The following PTPRK variants were observed in gnomAD, a reference collection of about 807,000 sequenced individuals.
The protein encoded by PTPRK is receptor-type tyrosine-protein phosphatase kappa.
PTPRK carries 75 observed loss-of-function variants against 178.0 expected under a neutral mutation model. The ratio of observed to expected loss-of-function variants is 0.42; its 90% CI spans 0.35 to 0.51. The LOEUF (loss-of-function observed/expected upper bound fraction) is 0.51. PTPRK is among the 20% of genes least tolerant of loss of function. PTPRK has a pLI of 0.02. For synonymous variants in PTPRK, 637 were observed against 620.6 expected (o/e 1.03, Z -0.39); for missense variants, 1,441 against 1,797.8 (o/e 0.80, Z 3.59).
intron 13 of PTPRK, among the ~76,000 whole-genome samples, chr6:128,024,570 A>G (rs1160513814): frequency 6.6e-6 from 1 of 152,160 alleles, no homozygotes; most frequent in Non-Finnish European, 1.5e-5. Context: ...GCACTTTGAG[A>G]GGCTGAGGCA....
intron 1 of PTPRK, among the ~76,000 whole-genome samples, chr6:128,505,111 T>TC (rs1279903834): frequency 6.6e-6 from 1 of 150,500 alleles, no homozygotes; most frequent in Non-Finnish European, 1.5e-5. Context: ...TTACTTGTTT[T>TC]TTTTTTTTTT....
chr6:128,326,786 A>C (rs889354072), intron 2 of PTPRK, among the ~76,000 whole-genome samples: 5 of 152,114 alleles, frequency 3.3e-5, no homozygotes, highest in Non-Finnish European at 5.9e-5. Context: ...GTTTTTGCAT[A>C]TGTACAGTTT....
intron 5 of PTPRK, 41 bp from the exon 6 acceptor site, chr6:128,219,137 T>G: frequency 6.5e-7 from 1 of 1,527,952 alleles, no homozygotes; most frequent in Non-Finnish European, 9.0e-7. Flanking sequence ...GTTCTTACTA[T>G]TTTCATAAAT....
intron 5 of PTPRK, chr6:128,235,488 T>A (rs1813081239): frequency 2.6e-6 from 1 of 384,998 alleles, no homozygotes; most frequent in Non-Finnish European, 5.5e-6. Context: ...TAGCTTCAAG[T>A]TATGAATCAC....
At chr6:128,366,600 TA>T (rs2128345526) in intron 2 of PTPRK, among the ~76,000 whole-genome samples, 1 of 152,258 alleles carries the variant, frequency 6.6e-6, no homozygotes, top group African/African-American at 2.4e-5. Context: ...AATAAACTCT[TA>T]AGTTTAAGGT....
At position 128,473,404 on chromosome 6, in the gene PTPRK, A is replaced by ATT. The variant is rs67418131; in HGVS notation, c.100+46853_100+46854dup. Among the ~76,000 whole-genome samples the ATT allele has an allele frequency of 6.3e-3, 568 of 90,850 alleles. 10 individuals are homozygous for ATT. The highest frequency in any genetic ancestry group is 0.014 in the African/African-American group (323 of 22,654). 59.6% of individuals were successfully genotyped at this position (90,850 alleles called of 152,430 possible). A position where few individuals can be genotyped will look rare whatever the true frequency, so the allele number is the denominator to read the frequency against. On this transcript the variant is annotated intron_variant, in intron 1 of 29. Coordinates refer to ENST00000368226, the MANE Select transcript of PTPRK (RefSeq NM_002844.4). ...TCAGTTTTTCCACTATATGGTTACTATTTTTTTTTTTTTTTTTTTTTTTTG... is the reference window on the plus strand; with the variant it reads ...TCAGTTTTTCCACTATATGGTTACTATTTTTTTTTTTTTTTTTTTTTTTTTTG...
intron 2 of PTPRK, among the ~76,000 whole-genome samples, chr6:128,392,951 C>G (rs1033425050): frequency 1.3e-5 from 2 of 151,830 alleles, no homozygotes; most frequent in African/African-American, 4.8e-5. Context: ...AATTTTCTAA[C>G]AAGAGGAAAA....
intron 1 of PTPRK, among the ~76,000 whole-genome samples, chr6:128,518,774 T>C (rs376660653): frequency 6.6e-6 from 1 of 152,346 alleles, no homozygotes; most frequent in Non-Finnish European, 1.5e-5. Flanking sequence ...ACATCAATTA[T>C]ATACAGGGCT....
chr6:128,493,636 AC>A (rs1854228230), intron 1 of PTPRK, among the ~76,000 whole-genome samples: 2 of 143,758 alleles, frequency 1.4e-5, no homozygotes, highest in African/African-American at 2.5e-5. Flanking sequence ...ACACACACAC[AC>A]ACACACACAG....
At chr6:128,459,166 T>C (rs1486421677) in intron 1 of PTPRK, among the ~76,000 whole-genome samples, 1 of 152,174 alleles carries the variant, frequency 6.6e-6, no homozygotes, top group Non-Finnish European at 1.5e-5. Flanking sequence ...ATTATCCCTA[T>C]GTTCCTTCAA....
At chr6:128,133,580 T>C (rs1470882736) in intron 7 of PTPRK, among the ~76,000 whole-genome samples, 1 of 152,220 alleles carries the variant, frequency 6.6e-6, no homozygotes, top group Non-Finnish European at 1.5e-5. Flanking sequence ...ATCAGGCTTA[T>C]ATTTTGATAA....
chr6:128,040,801 G>C lies in PTPRK; in HGVS notation c.2194+23957C>G, dbSNP rs183931258. Among the ~76,000 whole-genome samples the C allele has an allele frequency of 2.6e-5, 4 of 152,136 alleles. No individual in the cohort carries two copies. The East Asian group carries it at 7.7e-4, about 29-fold the overall frequency. On this transcript the variant is annotated intron_variant, in intron 13 of 29. Coordinates refer to ENST00000368226, the MANE Select transcript of PTPRK (RefSeq NM_002844.4). ...TTTGTTAAACAATGAAGAATATAGA[G>C]TGTCTACATAAACCAAGCAGAAATG... is the stretch of plus-strand genomic sequence containing the variant.
At chr6:128,289,877 T>C (rs1235049506) in intron 3 of PTPRK, among the ~76,000 whole-genome samples, 1 of 152,136 alleles carries the variant, frequency 6.6e-6, no homozygotes, top group Non-Finnish European at 1.5e-5. Context: ...ACACTTTGTT[T>C]TTCATGCCTT....
At chr6:128,012,424 C>T (rs1217678326) in intron 13 of PTPRK, among the ~76,000 whole-genome samples, 1 of 151,158 alleles carries the variant, frequency 6.6e-6, no homozygotes, top group Non-Finnish European at 1.5e-5. Flanking sequence ...AGTGGTGGTG[C>T]CCCTGAGTTC....
intron 7 of PTPRK, among the ~76,000 whole-genome samples, chr6:128,110,377 A>C (rs1790448433): frequency 6.6e-6 from 1 of 152,184 alleles, no homozygotes; most frequent in Non-Finnish European, 1.5e-5. Flanking sequence ...CAATGTGGAA[A>C]AGTTATCAAT....
At position 128,242,552 on chromosome 6, in the gene PTPRK, A is replaced by G; in HGVS notation, c.546T>C (p.Ile182=). 3 of 1,613,156 alleles carry G rather than the reference A, an allele frequency of 1.9e-6. No homozygotes were observed. The change falls in exon 4 of 30, where the codon ATT becomes ATC. Residue 182 remains isoleucine (I), a synonymous_variant. Transcript: ENST00000368226. ...VSGGRSGYIA[I]DDIQVLSYPC... is the part of the protein sequence containing the mutation. ...GATAACTCAGTACTTGGATGTCATCAATGGCAATATAACCACTTCTCCCTC... is the reference window on the plus strand; with the variant it reads ...GATAACTCAGTACTTGGATGTCATCGATGGCAATATAACCACTTCTCCCTC...
chr6:128,339,988 T>C (rs1037739295), intron 2 of PTPRK, among the ~76,000 whole-genome samples: 3 of 152,118 alleles, frequency 2.0e-5, no homozygotes, highest in Admixed American at 6.5e-5. Context: ...AGGTCAGAAT[T>C]GCTACCATCA....
chr6:128,349,578 T>C (rs926763311), intron 2 of PTPRK, among the ~76,000 whole-genome samples: 1 of 151,866 alleles, frequency 6.6e-6, no homozygotes, highest in South Asian at 2.1e-4. Context: ...CAAGCCAGCA[T>C]ATCCTCAGAA....
intron 6 of PTPRK, among the ~76,000 whole-genome samples, chr6:128,203,611 G>C (rs1806365821): frequency 6.6e-6 from 1 of 152,134 alleles, no homozygotes; most frequent in Non-Finnish European, 1.5e-5. Context: ...AAAATTGCTA[G>C]CAGTCCTATA....
Sources: allele counts gnomAD v4.1 joint callset (sites outside exome capture counted in the v4.1 genomes callset), GRCh38; gene constraint gnomAD v4.1.1; transcripts MANE v1.5; gene names NCBI Gene and HGNC (gene_info 2026-07-23, HGNC 2026-07-21).